ULK4: variants seen among roughly 807,000 people sequenced by gnomAD.
ULK4 encodes the protein unc-51 like kinase 4.
In ULK4, 133 loss-of-function variants were observed where a neutral mutation model predicts 160.6. The observed-to-expected ratio is 0.83, with a 90% CI of 0.72 to 0.96. The LOEUF (loss-of-function observed/expected upper bound fraction) is 0.96. Among genes scored for constraint, ULK4 ranks in the 40% least tolerant of loss-of-function variants. ULK4 has a pLI of 0.00. For synonymous variants in ULK4, 534 were observed against 539.8 expected (o/e 0.99, Z 0.15); for missense variants, 1,580 against 1,499.5 (o/e 1.05, Z -0.89).
Position 41,819,526 on chromosome 3 carries a change from A to G in ULK4, c.1765-20T>C. The G allele has an allele frequency of 6.2e-7, 1 of 1,608,234 alleles. No homozygotes were observed. Among genetic ancestry groups the G allele is most frequent in the South Asian group, 1.1e-5 (1 of 90,292 alleles). The stretch of plus-strand genomic sequence containing the variant: ...TTCTTCCTAAAATGAAGTGGGAAAA[A>G]AAAAGGCAGTGAAGCTAACAGCACG... On this transcript the variant is annotated intron_variant, in intron 18 of 36. Coordinates refer to ENST00000301831, the MANE Select transcript of ULK4 (RefSeq NM_017886.4).
chr3:41,424,013 G>A (rs757609077), intron 34 of ULK4, among the ~76,000 whole-genome samples: 1 of 152,060 alleles, frequency 6.6e-6, no homozygotes, highest in Non-Finnish European at 1.5e-5. Flanking sequence ...CATCATCACT[G>A]TGGCTGCCTG....
At chr3:41,675,432 A>G (rs1167987594) in intron 29 of ULK4, among the ~76,000 whole-genome samples, 2 of 151,542 alleles carry the variant, frequency 1.3e-5, no homozygotes, top group Non-Finnish European at 2.9e-5. Flanking sequence ...TCTACTAAAA[A>G]TACAAAAATT....
intron 35 of ULK4, among the ~76,000 whole-genome samples, chr3:41,268,808 A>G (rs1192042563): frequency 1.1e-5 from 1 of 94,424 alleles, no homozygotes; most frequent in Admixed American, 9.9e-5. Context: ...CGTCTCACAC[A>G]CACACAAAAA....
intron 34 of ULK4, among the ~76,000 whole-genome samples, chr3:41,401,265 T>C (rs2082172817): frequency 6.6e-6 from 1 of 152,220 alleles, no homozygotes; most frequent in Non-Finnish European, 1.5e-5. Flanking sequence ...TTTATAGTTT[T>C]ATATTTTACA....
intron 34 of ULK4, among the ~76,000 whole-genome samples, chr3:41,412,914 C>T (rs1470569256): frequency 1.3e-5 from 2 of 152,128 alleles, no homozygotes; most frequent in Non-Finnish European, 2.9e-5. Flanking sequence ...ACACTTTTAC[C>T]TTGCCCTTGC....
chr3:41,803,571 G>C (rs938523843), intron 19 of ULK4, among the ~76,000 whole-genome samples: 1 of 151,976 alleles, frequency 6.6e-6, no homozygotes, highest in African/African-American at 2.4e-5. Context: ...TGCCATGCTG[G>C]TGTGCTGCAC....
At chr3:41,265,562 C>G (rs750130641) in intron 35 of ULK4, among the ~76,000 whole-genome samples, 1 of 152,136 alleles carries the variant, frequency 6.6e-6, no homozygotes, top group Non-Finnish European at 1.5e-5. Context: ...CGTCAGGCAC[C>G]AATTAATCAA....
At chr3:41,400,287 G>C (rs1586457) in intron 34 of ULK4, among the ~76,000 whole-genome samples, 66,629 of 151,414 alleles carry the variant, frequency 0.44, 15,628 homozygotes, top group African/African-American at 0.61. Flanking sequence ...TGTAGATTTG[G>C]TGACAACCAC....
At chr3:41,323,955 G>A (rs1256509952) in intron 35 of ULK4, among the ~76,000 whole-genome samples, 2 of 152,160 alleles carry the variant, frequency 1.3e-5, no homozygotes, top group Non-Finnish European at 2.9e-5. Context: ...GCTTGCACCT[G>A]GTTATCTTCA....
chr3:41,890,759 C>A (rs1289580618), intron 16 of ULK4, among the ~76,000 whole-genome samples: 8 of 7,204 alleles, frequency 1.1e-3, no homozygotes, highest in African/African-American at 2.9e-3. Flanking sequence ...ACGGGAGGGA[C>A]GGGAGGGACG....
intron 30 of ULK4, among the ~76,000 whole-genome samples, chr3:41,639,797 T>C (rs1413058528): frequency 6.6e-6 from 1 of 152,228 alleles, no homozygotes; most frequent in African/African-American, 2.4e-5. Context: ...AAGGCAACTG[T>C]CATTTTTATA....
rs142549056 is a variant in ULK4, at chr3:41,752,702, C to T, written c.2321+1659G>A. 1.2e-4 allele frequency among the ~76,000 whole-genome samples: 18 copies of T among 152,250 alleles called. No homozygotes were observed. The East Asian group carries it at 3.3e-3, about 28-fold the overall frequency. ...TTGGCAGTATCTATCTGTGTGAAGACATTTTCAAAGACAAAACACATTAAA... is the reference window on the plus strand; with the variant it reads ...TTGGCAGTATCTATCTGTGTGAAGATATTTTCAAAGACAAAACACATTAAA... On this transcript the variant is annotated intron_variant, in intron 22 of 36. Coordinates refer to ENST00000301831, the MANE Select transcript of ULK4 (RefSeq NM_017886.4).
intron 32 of ULK4, among the ~76,000 whole-genome samples, chr3:41,561,515 A>G (rs1198675952): frequency 6.6e-6 from 1 of 152,156 alleles, no homozygotes; most frequent in Non-Finnish European, 1.5e-5. Flanking sequence ...TTGGCAGGCT[A>G]TTAATTATTG....
chr3:41,935,201 A>ATTTT (rs1559660854), intron 4 of ULK4, among the ~76,000 whole-genome samples: 1 of 2,540 alleles, frequency 3.9e-4, no homozygotes, highest in African/African-American at 4.6e-4. Context: ...GTTTTTATTT[A>ATTTT]TTTATTTATT....
At chr3:41,809,415 A>G (rs2040753116) in intron 19 of ULK4, among the ~76,000 whole-genome samples, 1 of 152,204 alleles carries the variant, frequency 6.6e-6, no homozygotes, top group African/African-American at 2.4e-5. Context: ...CTTAGAGGAA[A>G]GATCAATCCA....
intron 35 of ULK4, among the ~76,000 whole-genome samples, chr3:41,294,801 C>A (rs1345250463): frequency 6.6e-6 from 1 of 152,076 alleles, no homozygotes; most frequent in African/African-American, 2.4e-5. Context: ...TTTAAAAAAA[C>A]CTAAATAAAT....
intron 29 of ULK4, among the ~76,000 whole-genome samples, chr3:41,664,521 A>C (rs768568309): frequency 1.3e-5 from 2 of 152,084 alleles, no homozygotes; most frequent in Non-Finnish European, 2.9e-5. Flanking sequence ...AGTTTTTATG[A>C]GGGGATGGTC....
At chr3:41,720,799 G>A (rs190045858) in intron 22 of ULK4, among the ~76,000 whole-genome samples, 6 of 152,106 alleles carry the variant, frequency 3.9e-5, no homozygotes, top group East Asian at 1.9e-4. Flanking sequence ...AAATGTAATC[G>A]AGTATAAATC....
chr3:41,659,832 A>G (rs2035081343), intron 30 of ULK4, among the ~76,000 whole-genome samples: 2 of 152,214 alleles, frequency 1.3e-5, no homozygotes, highest in Admixed American at 6.5e-5. Flanking sequence ...TCAATTAGAC[A>G]CTAGAAAAGT....
Sources: gnomAD v4.1 joint callset for allele counts (sites outside exome capture counted in the v4.1 genomes callset) on GRCh38, gnomAD v4.1.1 for gene constraint, MANE v1.5 for transcripts, NCBI Gene and HGNC (gene_info 2026-07-23, HGNC 2026-07-21) for gene names.